The following CDKAL1 variants were observed in gnomAD, a reference collection of about 807,000 sequenced individuals.
The protein encoded by CDKAL1 is CDKAL1 threonylcarbamoyladenosine tRNA methylthiotransferase.
In CDKAL1, 32 loss-of-function variants were observed where a neutral mutation model predicts 68.2. That is an observed-to-expected ratio of 0.47 (90% CI 0.35 to 0.63). CDKAL1 has a LOEUF of 0.63. CDKAL1 is among the 30% of genes least tolerant of loss of function. The pLI is 0.00. For synonymous variants in CDKAL1, 234 were observed against 244.3 expected, an observed-to-expected ratio of 0.96 and a Z score of 0.39; for missense variants, 606 against 696.7, an observed-to-expected ratio of 0.87 and a Z score of 1.47.
intron 13 of CDKAL1, among the ~76,000 whole-genome samples, chr6:21,142,247 A>G (rs28360550): frequency 0.46 from 69,416 of 150,628 alleles, 16,746 homozygotes; most frequent in African/African-American, 0.56. Context: ...AAGCAGGTAG[A>G]ACAGGGTCCT....
chr6:21,049,212 A>G (rs1770409601), intron 11 of CDKAL1, among the ~76,000 whole-genome samples: 1 of 152,154 alleles, frequency 6.6e-6, no homozygotes, highest in South Asian at 2.1e-4. Context: ...AAATAATTCC[A>G]TCCAGGAAGA....
chr6:21,163,242 CTGAG>C (rs1777000894), intron 13 of CDKAL1, among the ~76,000 whole-genome samples: 4 of 152,156 alleles, frequency 2.6e-5, no homozygotes, highest in African/African-American at 9.7e-5. Context: ...GTGGTTGTTC[CTGAG>C]TTCTCGTTCA....
At chr6:20,975,076 A>T (rs1367300390) in intron 10 of CDKAL1, among the ~76,000 whole-genome samples, 2 of 151,710 alleles carry the variant, frequency 1.3e-5, no homozygotes, top group African/African-American at 2.4e-5. Flanking sequence ...TTTAATATAG[A>T]TATTTATCTT....
chr6:20,814,806 CTA>C (rs1776974548), intron 8 of CDKAL1, among the ~76,000 whole-genome samples: 3 of 152,192 alleles, frequency 2.0e-5, no homozygotes, highest in Admixed American at 6.5e-5. Flanking sequence ...GGGAGCCTTT[CTA>C]TCATTCTCCA....
chr6:21,114,787 C>T (rs756018227), intron 13 of CDKAL1, among the ~76,000 whole-genome samples: 6 of 152,088 alleles, frequency 3.9e-5, no homozygotes, highest in Non-Finnish European at 8.8e-5. Flanking sequence ...CTAGGCATAA[C>T]TTGAGTGGGA....
chr6:20,584,908 C>T (rs1000808115), intron 4 of CDKAL1, among the ~76,000 whole-genome samples: 2 of 152,150 alleles, frequency 1.3e-5, no homozygotes, highest in African/African-American at 4.8e-5. Context: ...AGGCCAGCTC[C>T]GTTACTTGTA....
At chr6:20,663,911 G>T (rs928368382) in intron 5 of CDKAL1, among the ~76,000 whole-genome samples, 1 of 151,830 alleles carries the variant, frequency 6.6e-6, no homozygotes, top group Non-Finnish European at 1.5e-5. Flanking sequence ...AAAAATTTAG[G>T]TACAGCTGAA....
chr6:20,979,438 G>C (rs1481112461), intron 10 of CDKAL1, among the ~76,000 whole-genome samples: 1 of 152,198 alleles, frequency 6.6e-6, no homozygotes, highest in African/African-American at 2.4e-5. Flanking sequence ...TGGGATTTTA[G>C]TAGGCAGGGT....
intron 6 of CDKAL1, among the ~76,000 whole-genome samples, chr6:20,751,601 T>G (rs1422947970): frequency 6.6e-6 from 1 of 152,262 alleles, no homozygotes; most frequent in African/African-American, 2.4e-5. Context: ...ATAGGCTTGT[T>G]TCTTCAATAC....
At chr6:21,135,641 A>G (rs1775554149) in intron 13 of CDKAL1, 1 of 958,958 alleles carries the variant, frequency 1.0e-6, no homozygotes, top group African/African-American at 1.8e-5. Context: ...TTCTTCTTCC[A>G]GCAACATAGA....
chr6:20,973,275 T>G (rs1765680954), intron 10 of CDKAL1, among the ~76,000 whole-genome samples: 1 of 152,182 alleles, frequency 6.6e-6, no homozygotes. Context: ...TTAAAAACAA[T>G]GTATCACATA....
At position 21,197,429 on chromosome 6, in the gene CDKAL1, TGC is replaced by T. The variant is rs1778518613; in HGVS notation, c.1300-591_1300-590del. 2.6e-5 allele frequency among the ~76,000 whole-genome samples: 4 copies of T among 152,304 alleles called. No individual in the cohort carries two copies. In the South Asian group the frequency reaches 8.3e-4, roughly 32 times the overall value. ...GTCATGACTGCAGCAAAGAGACAGT[TGC>T]CTGTGACAGAGAAAATGTATATAAT... On this transcript the variant is annotated intron_variant, in intron 13 of 15. Coordinates refer to ENST00000274695, the MANE Select transcript of CDKAL1 (RefSeq NM_017774.3).
At chr6:20,605,688 T>G (rs1372314760) in intron 4 of CDKAL1, among the ~76,000 whole-genome samples, 1 of 152,162 alleles carries the variant, frequency 6.6e-6, no homozygotes, top group African/African-American at 2.4e-5. Context: ...AAGGGCTAAT[T>G]ATTCCCTGCT....
chr6:20,690,119 C>T (rs1319242495), intron 5 of CDKAL1, among the ~76,000 whole-genome samples: 3 of 152,098 alleles, frequency 2.0e-5, no homozygotes, highest in Non-Finnish European at 4.4e-5. Context: ...ATTGGATTCT[C>T]TTTTACTTAC....
chr6:21,107,012 A>G (rs1332584067), intron 12 of CDKAL1, among the ~76,000 whole-genome samples: 1 of 142,842 alleles, frequency 7.0e-6, no homozygotes, highest in East Asian at 2.1e-4. Context: ...CAGTGGCACT[A>G]TCTCGGCTCA....
chr6:21,208,030 T>TA (rs1779007885), intron 15 of CDKAL1, among the ~76,000 whole-genome samples: 2 of 149,266 alleles, frequency 1.3e-5, no homozygotes, highest in Admixed American at 6.7e-5. Flanking sequence ...TTTTTTTTTT[T>TA]AAAGAGAATA....
At chr6:20,714,939 A>C (rs1043034264) in intron 5 of CDKAL1, among the ~76,000 whole-genome samples, 5 of 152,196 alleles carry the variant, frequency 3.3e-5, no homozygotes, top group African/African-American at 1.2e-4. Context: ...TTATTTAAAA[A>C]ATAAATTTTA....
intron 5 of CDKAL1, among the ~76,000 whole-genome samples, chr6:20,717,033 A>T (rs901835269): frequency 6.6e-6 from 1 of 152,104 alleles, no homozygotes; most frequent in East Asian, 1.9e-4. Context: ...ATTGAGTTAG[A>T]TGAAGACTGA....
intron 12 of CDKAL1, among the ~76,000 whole-genome samples, chr6:21,092,778 A>G (rs1773110783): frequency 6.6e-6 from 1 of 151,996 alleles, no homozygotes; most frequent in Admixed American, 6.5e-5. Flanking sequence ...GATAAATGAG[A>G]GAAGATATTT....
Sources: allele counts gnomAD v4.1 joint callset (sites outside exome capture counted in the v4.1 genomes callset), GRCh38; gene constraint gnomAD v4.1.1; transcripts MANE v1.5; gene names NCBI Gene and HGNC (gene_info 2026-07-23, HGNC 2026-07-21).